Variants in ABCG1 observed in about 807,000 individuals in gnomAD.
ABCG1 encodes the protein ATP binding cassette subfamily G member 1.
A neutral mutation model predicts 69.2 loss-of-function variants in ABCG1; 29 were observed. The ratio of observed to expected loss-of-function variants is 0.42; its 90% confidence interval spans 0.31 to 0.57. The LOEUF (loss-of-function observed/expected upper bound fraction) is 0.57, where lower values mean the gene tolerates loss of function less well. Ranked by LOEUF, ABCG1 falls within the 20% of genes least tolerant of loss-of-function variation. The pLI is 0.15. For synonymous variants in ABCG1, 370 were observed against 374.8 expected (o/e 0.99, Z 0.15); for missense variants, 718 against 898.1 (o/e 0.80, Z 2.56).
chr21:42,293,732 A>G (rs1376429352), intron 13 of ABCG1, among the ~76,000 whole-genome samples: 1 of 149,062 alleles, frequency 6.7e-6, no homozygotes, highest in Non-Finnish European at 1.5e-5. Flanking sequence ...CTACACACAA[A>G]TACTACATAC....
At position 42,287,618 on chromosome 21, in the gene ABCG1, G is replaced by A. The variant is rs931472645; in HGVS notation, c.974-271G>A. ...GTAAGTACCGGCTGGATGAGCAGTC[G>A]GTAGATGCAGGAGCTCATTACTTCT... On this transcript the variant is annotated intron_variant, in intron 8 of 14. Transcript: ENST00000398449. This position sits in a 1 kb window ranked among gnomAD's most constrained non-coding sequence, Gnocchi z 6.2. 6.6e-5 allele frequency among the ~76,000 whole-genome samples: 10 copies of A among 152,278 alleles called. No individual in the cohort carries two copies. The highest frequency in any genetic ancestry group is 5.8e-4 in the East Asian group (3 of 5,182).
chr21:42,282,077 C>T (rs867766620), intron 5 of ABCG1, among the ~76,000 whole-genome samples, 197 bp from the exon 6 acceptor site: 6 of 152,222 alleles, frequency 3.9e-5, no homozygotes, highest in East Asian at 3.9e-4. Context: ...CTCATCAGGA[C>T]GGCTGATGTG....
At chr21:42,294,124 C>G (rs576254848) in intron 13 of ABCG1, among the ~76,000 whole-genome samples, 7 of 152,196 alleles carry the variant, frequency 4.6e-5, no homozygotes, top group African/African-American at 1.7e-4. Flanking sequence ...GCGTCCATCC[C>G]GCCTGTGAAG....
chr21:42,223,869 A>C (rs1374413181), intron 1 of ABCG1, among the ~76,000 whole-genome samples: 1 of 152,208 alleles, frequency 6.6e-6, no homozygotes, highest in Non-Finnish European at 1.5e-5. Context: ...ACAAGAAAGA[A>C]GCATCTGTCC....
At position 42,288,557 on chromosome 21, in the gene ABCG1, A is replaced by T. The variant is rs1307021520; in HGVS notation, c.1224+245A>T. Among the ~76,000 whole-genome samples, 1 of 152,120 alleles carries T rather than the reference A, an allele frequency of 6.6e-6. No homozygotes were observed. The highest frequency in any genetic ancestry group is 1.5e-5 in the Non-Finnish European group (1 of 68,026). On this transcript the variant is annotated intron_variant, in intron 10 of 14. Transcript: ENST00000398449. The surrounding 1 kb of genome is among the most constrained non-coding windows in gnomAD (Gnocchi z 4.8). Reference sequence around the variant, plus strand: ...CCCCATCTCTGCTAAAAATACAAAAATTAGCCAGGCCTGGTAGTGCATGCC... The same window carrying T: ...CCCCATCTCTGCTAAAAATACAAAATTTAGCCAGGCCTGGTAGTGCATGCC...
In ABCG1 at chr21:42,239,870, G is replaced by A. The variant is rs143164367; in HGVS notation, c.286+13956G>A. Among the ~76,000 whole-genome samples the A allele has an allele frequency of 5.9e-3, 898 of 152,352 alleles. 6 individuals are homozygous for A. The highest frequency in any genetic ancestry group is 0.021 in the African/African-American group (853 of 41,576). ...TTGGGTGATGAGCCTTTGTCACGTGGCCTCTGCAGAATCAGCTAGCTGGGC... is the reference window on the plus strand; with the variant it reads ...TTGGGTGATGAGCCTTTGTCACGTGACCTCTGCAGAATCAGCTAGCTGGGC... On this transcript the variant is annotated intron_variant, in intron 2 of 14. Coordinates refer to ENST00000398449, the MANE Select transcript of ABCG1 (RefSeq NM_016818.3).
chr21:42,225,922 G>A lies in ABCG1; in HGVS notation c.286+8G>A. ...CCTGGTGGAGGAAGAAAGGTAGGGA[G>A]GGCGGCTGCTTTGTGTATCAAGCTG... On this transcript the variant is annotated splice_region_variant and intron_variant, in intron 2 of 14. Coordinates refer to ENST00000398449, the MANE Select transcript of ABCG1 (RefSeq NM_016818.3). The A allele has an allele frequency of 6.2e-7, 1 of 1,609,728 alleles. No homozygotes were observed. The highest frequency in any genetic ancestry group is 8.5e-7 in the Non-Finnish European group (1 of 1,178,094).
At chr21:42,256,641 A>G in intron 2 of ABCG1, 1 of 1,480,732 alleles carries the variant, frequency 6.8e-7, no homozygotes, top group Non-Finnish European at 9.0e-7. Flanking sequence ...TGCTGGGGAC[A>G]GGGTTCCCAC....
intron 5 of ABCG1, among the ~76,000 whole-genome samples, chr21:42,281,474 C>T (rs369413592): frequency 1.3e-5 from 2 of 152,222 alleles, no homozygotes; most frequent in Non-Finnish European, 2.9e-5. Flanking sequence ...ATCAATAATC[C>T]GGAGCAGACA....
At chr21:42,215,420 G>T (rs923032765), upstream of ABCG1, among the ~76,000 whole-genome samples, 5 of 152,200 alleles carry the variant, frequency 3.3e-5, no homozygotes, top group African/African-American at 4.8e-5. Context: ...CATAGGGAAG[G>T]CCAGATGGAA....
rs1308638530 is a variant in ABCG1 at position 42,230,340 on chromosome 21, G to A, written c.286+4426G>A. ...AGTACACCCCAAGGATAATTTCCCC[G>A]GCCTCAGATACAGTAATTACTCTCC... On this transcript the variant is annotated intron_variant, in intron 2 of 14. Coordinates refer to ENST00000398449, the MANE Select transcript of ABCG1 (RefSeq NM_016818.3). Among the ~76,000 whole-genome samples the A allele has an allele frequency of 4.6e-5, 7 of 152,168 alleles. No individual in the cohort carries two copies. In the South Asian group the frequency reaches 1.2e-3, roughly 27 times the overall value.
intron 2 of ABCG1, among the ~76,000 whole-genome samples, chr21:42,229,846 G>A (rs1483966994): frequency 1.3e-5 from 2 of 152,202 alleles, no homozygotes; most frequent in Non-Finnish European, 2.9e-5. Flanking sequence ...CCAGGGCTAG[G>A]ACCCAGCTAT....
chr21:42,291,184 C>A lies in ABCG1; in HGVS notation c.1486C>A (p.Pro496Thr). ...CCTGGCCAAGACCATGGCAGACGTG[C>A]CCTTTCAGGTGTGTTAGCCAGGGGC... ...YYLAKTMADV[P>T]FQIMFPVAYC... The change falls in exon 12 of 15, where the codon CCC becomes ACC. Residue 496 changes from proline (P) to threonine (T), a missense_variant. Physicochemically the swap from Pro to Thr is conservative, Grantham distance 38 (BLOSUM62 -1). Transcript: ENST00000398449. This position sits in a 1 kb window ranked among gnomAD's most constrained non-coding sequence, Gnocchi z 6.4. 1 of 1,612,960 alleles carries A rather than the reference C, an allele frequency of 6.2e-7. No individual in the cohort carries two copies. Among genetic ancestry groups the A allele is most frequent in the Non-Finnish European group, 8.5e-7 (1 of 1,179,262 alleles).
At chr21:42,209,179 G>T (rs1358593336) in intron 2 of ABCG1, among the ~76,000 whole-genome samples, 1 of 152,186 alleles carries the variant, frequency 6.6e-6, no homozygotes, top group African/African-American at 2.4e-5. Flanking sequence ...CCTGACCTGG[G>T]CTTGGCATGG....
rs569924598 is a variant in ABCG1 at position 42,286,312 on chromosome 21, C to A, written c.973+318C>A. ...TGATTCATCTCAAGATCCTAATTAC[C>A]TCTGCAAAGATGCTTTTTCAAATAA... is the stretch of plus-strand genomic sequence containing the variant. On this transcript the variant is annotated intron_variant, in intron 8 of 14. Transcript: ENST00000398449. 2.0e-5 allele frequency among the ~76,000 whole-genome samples: 3 copies of A among 152,312 alleles called. No homozygotes were observed. The East Asian group carries it at 5.8e-4, about 29-fold the overall frequency.
intron 2 of ABCG1, among the ~76,000 whole-genome samples, chr21:42,247,475 G>A (rs1048670640): frequency 1.3e-5 from 2 of 151,570 alleles, no homozygotes; most frequent in Admixed American, 6.5e-5. Context: ...AGCAGGTGTG[G>A]TGTTTAGAAT....
intron 2 of ABCG1, among the ~76,000 whole-genome samples, chr21:42,243,799 C>T (rs932720487): frequency 2.7e-5 from 4 of 150,456 alleles, no homozygotes; most frequent in Non-Finnish European, 5.9e-5. Context: ...TTCTGTAAGC[C>T]CTCTTTATCT....
At chr21:42,289,846 G>A (rs112139638) in intron 10 of ABCG1, among the ~76,000 whole-genome samples, 103 of 152,284 alleles carry the variant, frequency 6.8e-4, no homozygotes, top group South Asian at 5.8e-3. Flanking sequence ...GTGAGCAGGC[G>A]TGTATGTGTG....
rs771401300 is a variant in ABCG1, at chr21:42,282,424, G to C, written c.734+5G>C. Reference sequence around the variant, plus strand: ...GTTCTTCGATGAGCCCACCAGGTAAGTCAGGAGCATCTGAGCTGGTGTCCA... The same window carrying C: ...GTTCTTCGATGAGCCCACCAGGTAACTCAGGAGCATCTGAGCTGGTGTCCA... On this transcript the variant is annotated splice_donor_5th_base_variant and intron_variant, in intron 6 of 14. Transcript: ENST00000398449. The C allele has an allele frequency of 3.7e-6, 6 of 1,609,282 alleles. No individual in the cohort carries two copies. The highest frequency in any genetic ancestry group is 5.1e-6 in the Non-Finnish European group (6 of 1,176,446).
Sources: allele counts gnomAD v4.1 joint callset (sites outside exome capture counted in the v4.1 genomes callset), GRCh38; gene constraint gnomAD v4.1.1; non-coding constraint Gnocchi (gnomAD v3.1); transcripts MANE v1.5; gene names NCBI Gene and HGNC (gene_info 2026-07-23, HGNC 2026-07-21).